The following GTPBP6 variants were observed in gnomAD, a reference collection of about 807,000 sequenced individuals.
GTPBP6 encodes the protein putative GTP-binding protein 6.
A neutral mutation model predicts 28.9 loss-of-function variants in GTPBP6; 33 were observed. The ratio of observed to expected loss-of-function variants is 1.14; its 90% CI spans 0.87 to 1.53. GTPBP6 has a LOEUF of 1.53. Among genes scored for constraint, GTPBP6 ranks in the 40% most tolerant of loss-of-function variants. The pLI is 0.00. For missense variants in GTPBP6, 507 were observed against 408.3 expected, an observed-to-expected ratio of 1.24 and a Z score of -2.08; for synonymous variants, 231 against 192.7, an observed-to-expected ratio of 1.20 and a Z score of -1.65.
chrX:317,242 G>A (rs1364846801), intron 1 of GTPBP6, among the ~76,000 whole-genome samples, 191 bp from the exon 2 acceptor site: 7 of 152,138 alleles, frequency 4.6e-5, no homozygotes, highest in Non-Finnish European at 1.0e-4. Flanking sequence ...GAAGGACACC[G>A]GAGCCACAGC....
intron 3 of GTPBP6, 80 bp downstream of exon 3, chrX:315,149 G>A (rs1483112461): frequency 1.6e-4 from 64 of 393,130 alleles, no homozygotes; most frequent in South Asian, 5.2e-4. Context: ...TCTGTCCCCC[G>A]CCTGGCCGGA....
chrX:308,550 C>T (rs1037082302), intron 7 of GTPBP6, among the ~76,000 whole-genome samples: 32 of 151,892 alleles, frequency 2.1e-4, no homozygotes, highest in African/African-American at 7.3e-4. Flanking sequence ...CCTGGTTGTG[C>T]GTGTCTGTGG....
At chrX:314,320 G>T (rs183427012) in intron 4 of GTPBP6, 103 bp from the exon 5 acceptor site, 2 of 939,296 alleles carry the variant, frequency 2.1e-6, no homozygotes, top group Non-Finnish European at 3.5e-6. Context: ...CCTCTGGGCC[G>T]AAGGGAGGAG....
chrX:311,333 C>CA (rs1160212662), intron 7 of GTPBP6, 86 bp downstream of exon 7: 108 of 715,490 alleles, frequency 1.5e-4, no homozygotes, highest in African/African-American at 4.3e-4. Flanking sequence ...TCCGAGGGCC[C>CA]GACCCCTGGC....
chrX:305,204 A>G lies in GTPBP6; in HGVS notation c.1428-7T>C. On this transcript the variant is annotated splice_polypyrimidine_tract_variant and splice_region_variant and intron_variant, in intron 9 of 9. Coordinates refer to ENST00000326153, the Ensembl canonical transcript of GTPBP6. ...GGCCTCCTTATACAGCCAGCTGGGC[A>G]CAGATGCGCGTTGTATGGAGACAAG... 1 of 1,609,634 alleles carries G rather than the reference A, an allele frequency of 6.2e-7. No homozygotes were observed. Among genetic ancestry groups the G allele is most frequent in the South Asian group, 1.1e-5 (1 of 91,004 alleles).
chrX:307,956 A>T, intron 7 of GTPBP6, 76 bp from the exon 8 acceptor site: 1 of 1,302,282 alleles, frequency 7.7e-7, no homozygotes, highest in Non-Finnish European at 1.0e-6. Context: ...GGCCCAGGAG[A>T]GGGGCTCACA....
At chrX:314,500 T>C (rs752068145) in intron 4 of GTPBP6, among the ~76,000 whole-genome samples, 6,021 of 148,376 alleles carry the variant, frequency 0.041, 175 homozygotes, top group Middle Eastern at 0.079. Context: ...TTAGACGGAG[T>C]CTCGCTCTGT....
Position 315,233 on chromosome X carries a change from G to A in GTPBP6, c.554C>T (p.Thr185Ile), listed in dbSNP as rs1223092349. Reference sequence around the variant, plus strand: ...GCAAGCCACATCCTGTGGTACCTTGGTCGGGGCAGCCATCCTCTCCACGTT... The same window carrying A: ...GCAAGCCACATCCTGTGGTACCTTGATCGGGGCAGCCATCCTCTCCACGTT... Residue 185 changes from threonine to isoleucine, a missense_variant, in exon 3 of 10, where the codon ACC becomes ATC. Coordinates refer to ENST00000326153, the Ensembl canonical transcript of GTPBP6. The A allele has an allele frequency of 2.5e-5, 10 of 398,524 alleles. 1 individual carries two copies. Among genetic ancestry groups the A allele is most frequent in the Non-Finnish European group, 4.0e-5 (9 of 226,102 alleles). The allele number at this position is 398,524 out of a possible 1,614,324, so 24.7% of individuals were successfully genotyped here.
At chrX:318,362 A>G in intron 1 of GTPBP6, 77 bp downstream of exon 1, 1 of 361,268 alleles carries the variant, frequency 2.8e-6, no homozygotes, top group Non-Finnish European at 4.8e-6. Context: ...ATCTCCACCT[A>G]TGAGCCCCCT....
chrX:308,269 T>C (rs185614546), intron 7 of GTPBP6, among the ~76,000 whole-genome samples: 70 of 152,262 alleles, frequency 4.6e-4, no homozygotes, highest in African/African-American at 1.6e-3. Context: ...AGGATGCTTT[T>C]TTTCTCACGT....
intron 7 of GTPBP6, among the ~76,000 whole-genome samples, chrX:309,898 G>A (rs1193639824): frequency 6.8e-6 from 1 of 146,732 alleles, no homozygotes; most frequent in Non-Finnish European, 1.5e-5. Context: ...GGATTAGGGT[G>A]GACCCTAAAT....
intron 6 of GTPBP6, chrX:311,877 G>A (rs1410562714): frequency 1.3e-5 from 8 of 604,768 alleles, no homozygotes; most frequent in African/African-American, 1.3e-4. Context: ...GGACGGGTGT[G>A]CGTGTGAAGG....
intron 4 of GTPBP6, 37 bp from the exon 5 acceptor site, chrX:314,254 C>T (rs771550079): frequency 5.4e-5 from 83 of 1,538,672 alleles, no homozygotes; most frequent in Middle Eastern, 3.5e-4. Flanking sequence ...TCTCTGCGGA[C>T]GCTGTCTCCC....
intron 8 of GTPBP6, 99 bp from the exon 9 acceptor site, chrX:307,611 G>A: frequency 6.9e-7 from 1 of 1,451,140 alleles, no homozygotes; most frequent in Non-Finnish European, 9.3e-7. Flanking sequence ...ACAGTCTGGG[G>A]CCACTCCCTG....
intron 4 of GTPBP6, 114 bp downstream of exon 4, chrX:314,776 C>G (rs2070398517): frequency 2.4e-6 from 1 of 411,746 alleles, no homozygotes. Context: ...GCGCCCGGCC[C>G]CCATGGTGCT....
intron 3 of GTPBP6, 34 bp downstream of exon 3, chrX:315,195 G>A (rs1401857166): frequency 5.0e-5 from 20 of 398,708 alleles, no homozygotes; most frequent in African/African-American, 1.6e-4. Flanking sequence ...CGTGGAGTGC[G>A]GGGACAAACA....
chrX:309,114 C>T (rs1275973801), intron 7 of GTPBP6, among the ~76,000 whole-genome samples: 2 of 152,142 alleles, frequency 1.3e-5, no homozygotes, highest in East Asian at 1.9e-4. Flanking sequence ...CAGCCGCGTC[C>T]GTTCTTTGGG....
At chrX:314,584 T>C (rs867766683) in intron 4 of GTPBP6, among the ~76,000 whole-genome samples, 1 of 151,920 alleles carries the variant, frequency 6.6e-6, no homozygotes. Flanking sequence ...GCCATTCTCC[T>C]GCCTCAGCCT....
chrX:313,117 C>G (rs113331863), intron 5 of GTPBP6, among the ~76,000 whole-genome samples, 193 bp from the exon 6 acceptor site: 5,506 of 152,306 alleles, frequency 0.036, 315 homozygotes, highest in African/African-American at 0.12. Context: ...GGAACGGGAT[C>G]TCGCCTCCGG....
Sources: gnomAD v4.1 joint callset for allele counts (sites outside exome capture counted in the v4.1 genomes callset) on GRCh38, gnomAD v4.1.1 for gene constraint, MANE v1.5 for transcripts, NCBI Gene and HGNC (gene_info 2026-07-23, HGNC 2026-07-21) for gene names.